AWAT1: variants seen among roughly 807,000 people sequenced by gnomAD.
AWAT1 encodes acyl-CoA wax alcohol acyltransferase 1.
AWAT1 carries 26 observed loss-of-function variants against 21.6 expected under a neutral mutation model. That is an observed-to-expected ratio of 1.20 (90% CI 0.88 to 1.67). The LOEUF (loss-of-function observed/expected upper bound fraction) is 1.67. Among genes scored for constraint, AWAT1 ranks in the 40% most tolerant of loss-of-function variants. AWAT1 has a pLI of 0.00. For synonymous variants in AWAT1, 102 were observed against 99.3 expected, an observed-to-expected ratio of 1.03 and a Z score of -0.16; for missense variants, 264 against 249.4, an observed-to-expected ratio of 1.06 and a Z score of -0.39.
At position 70,235,856 on chromosome X, in the gene AWAT1, C is replaced by T. The variant is rs2085512383; in HGVS notation, c.184+33C>T. Reference sequence around the variant, plus strand: ...TCACAGACCTAGAAAGAAGAATGTTCCATCATAACCTGCAGCCAGAGAGTC... The same window carrying T: ...TCACAGACCTAGAAAGAAGAATGTTTCATCATAACCTGCAGCCAGAGAGTC... On this transcript the variant is annotated intron_variant, in intron 2 of 6. Coordinates refer to ENST00000374521, the MANE Select transcript of AWAT1 (RefSeq NM_001013579.3). The T allele has an allele frequency of 3.6e-6, 4 of 1,114,199 alleles. No individual in the cohort carries two copies. The African/African-American group carries it at 5.5e-5, about 15-fold the overall frequency. The allele number at this position is 1,114,199 out of a possible 1,213,427, so 91.8% of individuals were successfully genotyped here.
Position 70,240,643 on chromosome X carries a change from T to C in AWAT1, c.*353T>C. 5.0e-6 allele frequency: 1 copy of C among 198,753 alleles called. No homozygotes were observed. The allele number at this position is 198,753 out of a possible 1,213,427, so 16.4% of individuals were successfully genotyped here. On this transcript the variant is annotated 3_prime_UTR_variant, in exon 7 of 7. Transcript: ENST00000374521. ...ATTTGCCAATTCTGAACATTTTATA[T>C]AAATGGAATAATACAATATGTGGTC...
At chrX:70,236,504 T>C (rs1456708752) in intron 3 of AWAT1, among the ~76,000 whole-genome samples, 2 of 111,731 alleles carry the variant, frequency 1.8e-5, no homozygotes, top group Non-Finnish European at 3.8e-5. Context: ...TAAAGTATAT[T>C]ATTTGTTTGG....
chrX:70,237,391 C>G, intron 4 of AWAT1, 143 bp downstream of exon 4: 1 of 562,335 alleles, frequency 1.8e-6, no homozygotes. Flanking sequence ...TAGAGCTAAG[C>G]TGCCTGGCAT....
intron 3 of AWAT1, among the ~76,000 whole-genome samples, chrX:70,236,802 CAT>C (rs1363960968): frequency 1.8e-5 from 2 of 111,880 alleles, no homozygotes; most frequent in Non-Finnish European, 3.8e-5. Context: ...AGCACACTGA[CAT>C]AGATGGCTGA....
In AWAT1 at chrX:70,238,305, C is replaced by G; in HGVS notation, c.554C>G (p.Ala185Gly). ...ATTGTAGTGGGAGGTGTGGGTGAGG[C>G]CCTGCAAAGTGTGCCCAACACCACC... is the stretch of plus-strand genomic sequence containing the variant. ...VGIVVGGVGE[A>G]LQSVPNTTTL... Residue 185 changes from alanine to glycine, a missense_variant, in exon 5 of 7, where the codon GCC becomes GGC. Transcript: ENST00000374521. 1 of 1,210,619 alleles carries G rather than the reference C, an allele frequency of 8.3e-7. No homozygotes were observed. Among genetic ancestry groups the G allele is most frequent in the East Asian group, 3.0e-5 (1 of 33,795 alleles).
At chrX:70,239,638 T>G in intron 5 of AWAT1, 97 bp from the exon 6 acceptor site, 1 of 795,703 alleles carries the variant, frequency 1.3e-6, no homozygotes, top group South Asian at 2.2e-5. Flanking sequence ...CAGGATTTCA[T>G]CAAAATAGAT....
At position 70,240,245 on chromosome X, in the gene AWAT1, G is replaced by C. The variant is rs1442994585; in HGVS notation, c.942G>C (p.Lys314Asn). Reference protein sequence around the residue: ...DALHKLFDQHKTHYGCSETQK... With the variant: ...DALHKLFDQHNTHYGCSETQK... Reference sequence around the variant, plus strand: ...TGCACAAACTGTTCGACCAGCATAAGACCCACTATGGCTGCTCAGAGACCC... The same window carrying C: ...TGCACAAACTGTTCGACCAGCATAACACCCACTATGGCTGCTCAGAGACCC... Residue 314 changes from lysine (K) to asparagine (N), a missense_variant, in exon 7 of 7, where the codon AAG becomes AAC. Lys to Asn is a moderately conservative substitution (Grantham distance 94). Transcript: ENST00000374521. The C allele has an allele frequency of 1.7e-6, 2 of 1,209,859 alleles. No homozygotes were observed. The highest frequency in any genetic ancestry group is 2.2e-5 in the Admixed American group (1 of 45,742).
Position 70,240,552 on chromosome X carries a change from G to A in AWAT1, c.*262G>A, listed in dbSNP as rs1011311808. ...CCTGGTCATCATTTGAGTCCTCTGGGACACATTAGCAGTCACTGCATATTC... is the reference window on the plus strand; with the variant it reads ...CCTGGTCATCATTTGAGTCCTCTGGAACACATTAGCAGTCACTGCATATTC... On this transcript the variant is annotated 3_prime_UTR_variant, in exon 7 of 7. Transcript: ENST00000374521. The A allele has an allele frequency of 6.2e-5, 21 of 338,029 alleles. No homozygotes were observed. Among genetic ancestry groups the A allele is most frequent in the African/African-American group, 4.1e-4 (16 of 38,945 alleles). 27.9% of individuals were successfully genotyped at this position (338,029 alleles called of 1,213,427 possible). A position where few individuals can be genotyped will look rare whatever the true frequency, so the allele number is the denominator to read the frequency against.
Position 70,240,348 on chromosome X carries a change from C to T in AWAT1, c.*58C>T. 8.9e-7 allele frequency: 1 copy of T among 1,123,215 alleles called. No homozygotes were observed. The highest frequency in any genetic ancestry group is 1.2e-6 in the Non-Finnish European group (1 of 826,674). 92.6% of individuals were successfully genotyped at this position (1,123,215 alleles called of 1,213,427 possible). ...TGCCTGCCTTGAAGAAGAGACTCAT[C>T]TGCCACTAACCAAAGACAGGCAGGA... On this transcript the variant is annotated 3_prime_UTR_variant, in exon 7 of 7. Transcript: ENST00000374521.
chrX:70,235,662 C>G (rs1256093589), intron 1 of AWAT1, 54 bp from the exon 2 acceptor site: 5 of 889,964 alleles, frequency 5.6e-6, no homozygotes, highest in Admixed American at 2.2e-5. Flanking sequence ...TGGGACTGGG[C>G]ATGGTCAAGT....
intron 1 of AWAT1, among the ~76,000 whole-genome samples, chrX:70,235,402 G>T (rs896303835): frequency 7.2e-5 from 8 of 110,383 alleles, no homozygotes; most frequent in African/African-American, 2.6e-4. Flanking sequence ...GGAGACAAGA[G>T]GAAAAAGATG....
rs151140407 is a variant in AWAT1, at chrX:70,239,300, G to C, written c.633-435G>C. Among the ~76,000 whole-genome samples the C allele has an allele frequency of 3.2e-3, 356 of 112,774 alleles. 3 individuals carry two copies. Among genetic ancestry groups the C allele is most frequent in the African/African-American group, 0.011 (336 of 31,081 alleles). ...TAGCAAGTCACAAAGATTTGTATAA[G>C]AGAGATTTACTTTTCTTTCCCTCAC... is the stretch of plus-strand genomic sequence containing the variant. On this transcript the variant is annotated intron_variant, in intron 5 of 6. Coordinates refer to ENST00000374521, the MANE Select transcript of AWAT1 (RefSeq NM_001013579.3).
chrX:70,236,449 T>A (rs909488907), intron 3 of AWAT1, among the ~76,000 whole-genome samples: 1 of 111,762 alleles, frequency 8.9e-6, no homozygotes, highest in Non-Finnish European at 1.9e-5. Flanking sequence ...AGGATGCAAT[T>A]CTCTGCCATC....
chrX:70,240,093 G>T (rs1015708121), intron 6 of AWAT1, 43 bp from the exon 7 acceptor site: 4 of 1,190,754 alleles, frequency 3.4e-6, no homozygotes, highest in African/African-American at 1.8e-5. Context: ...GGAAGAGGAG[G>T]TCCTAACACT....
In AWAT1 at chrX:70,239,967, AG is replaced by A. The variant is rs773884562; in HGVS notation, c.832+35del. The A allele has an allele frequency of 3.4e-6, 4 of 1,182,352 alleles. No individual in the cohort carries two copies. In the African/African-American group the frequency reaches 7.1e-5, roughly 21 times the overall value. On this transcript the variant is annotated intron_variant, in intron 6 of 6. Transcript: ENST00000374521. ...CCACTCTCAGCCCCAGTGCCACCTC[AG>A]GTTTCTCAACCTCAACCTCAGCCTG...
At chrX:70,239,252 T>A (rs769088392) in intron 5 of AWAT1, among the ~76,000 whole-genome samples, 1 of 112,392 alleles carries the variant, frequency 8.9e-6, no homozygotes, top group South Asian at 3.7e-4. Flanking sequence ...GTAACATATG[T>A]CAAAGTGCTG....
intron 2 of AWAT1, 67 bp downstream of exon 2, chrX:70,235,890 C>T: frequency 9.8e-7 from 1 of 1,024,940 alleles, no homozygotes; most frequent in South Asian, 1.9e-5. Flanking sequence ...TCCCACTCGC[C>T]ATACCACAGG....
Position 70,240,209 on chromosome X carries a change from T to C in AWAT1, c.906T>C (p.Tyr302=). 1 of 1,211,397 alleles carries C rather than the reference T, an allele frequency of 8.3e-7. No individual in the cohort carries two copies. ...QEMVDKYHAL[Y]MDALHKLFDQ... is the part of the protein sequence containing the mutation. ...TGGTGGACAAATACCATGCACTTTA[T>C]ATGGATGCTCTGCACAAACTGTTCG... The change falls in exon 7 of 7, where the codon TAT becomes TAC. Residue 302 remains tyrosine, a synonymous_variant. Coordinates refer to ENST00000374521, the MANE Select transcript of AWAT1 (RefSeq NM_001013579.3).
In AWAT1 at chrX:70,234,915, C is replaced by G. The variant is rs73634824; in HGVS notation, c.76+144C>G. On this transcript the variant is annotated intron_variant, in intron 1 of 6. Transcript: ENST00000374521. ...GTACTAGAGAGTAAAACCAAGGAGT[C>G]TTGAGTTCCATGAGTGCCCTGGAGA... The G allele has an allele frequency of 6.8e-3, 3,100 of 455,809 alleles. 81 individuals carry two copies. In the African/African-American group the frequency reaches 0.07, roughly 10 times the overall value. 37.6% of individuals were successfully genotyped at this position (455,809 alleles called of 1,213,427 possible).
Sources: gnomAD v4.1 joint callset for allele counts (sites outside exome capture counted in the v4.1 genomes callset) on GRCh38, gnomAD v4.1.1 for gene constraint, MANE v1.5 for transcripts, NCBI Gene and HGNC (gene_info 2026-07-23, HGNC 2026-07-21) for gene names.